ZNF610: variants seen among roughly 807,000 people sequenced by gnomAD.
ZNF610 encodes the protein zink finger protein.
A neutral mutation model predicts 14.1 loss-of-function variants in ZNF610; 14 were observed. The ratio of observed to expected loss-of-function variants is 0.99; its 90% CI spans 0.65 to 1.55. The LOEUF (loss-of-function observed/expected upper bound fraction) is 1.55, where lower values mean the gene tolerates loss of function less well. Ranked by LOEUF, ZNF610 falls within the 40% of genes most tolerant of loss-of-function variation. ZNF610 has a pLI of 0.00. For synonymous variants in ZNF610, 185 were observed against 187.6 expected (o/e 0.99, Z 0.11); for missense variants, 530 against 558.0 (o/e 0.95, Z 0.51).
chr19:52,343,193 CAAATGTATTT>C (rs1313026335), intron 1 of ZNF610, among the ~76,000 whole-genome samples: 7 of 152,184 alleles, frequency 4.6e-5, no homozygotes, highest in African/African-American at 1.7e-4. Flanking sequence ...GTAAACCTGT[CAAATGTATTT>C]AAAATGTAGG....
At chr19:52,356,164 G>A (rs2560983) in intron 5 of ZNF610, among the ~76,000 whole-genome samples, 4,385 of 151,902 alleles carry the variant, frequency 0.029, 84 homozygotes, top group Non-Finnish European at 0.045. Flanking sequence ...ATGTATGTAT[G>A]TATTCTTATT....
intron 1 of ZNF610, among the ~76,000 whole-genome samples, chr19:52,339,097 T>C (rs531892402): frequency 5.9e-5 from 9 of 152,116 alleles, no homozygotes; most frequent in Admixed American, 2.0e-4. Context: ...TGTGCATGTA[T>C]ACAAACATCT....
chr19:52,360,622 G>GT (rs2087964195), intron 5 of ZNF610, among the ~76,000 whole-genome samples: 1 of 152,164 alleles, frequency 6.6e-6, no homozygotes, highest in Non-Finnish European at 1.5e-5. Flanking sequence ...ATCAGTAGTT[G>GT]TTGATGTTTT....
Position 52,345,453 on chromosome 19 carries a change from T to C in ZNF610, c.-257-2254T>C, listed in dbSNP as rs147440550. 1,101 of 151,910 alleles carry C rather than the reference T, an allele frequency of 7.2e-3. 10 individuals are homozygous for C. The highest frequency in any genetic ancestry group is 0.037 in the South Asian group (178 of 4,812). 9.4% of individuals were successfully genotyped at this position (151,910 alleles called of 1,614,324 possible). A position where few individuals can be genotyped will look rare whatever the true frequency, so the allele number is the denominator to read the frequency against. On this transcript the variant is annotated intron_variant, in intron 1 of 5. Transcript: ENST00000403906. ...CAGGCAGCTTTAACCTGGGTGTGGG[T>C]GAGGATGACACTGTGATGCTCCTAG... is the stretch of plus-strand genomic sequence containing the variant.
chr19:52,353,758 C>T lies in ZNF610; in HGVS notation c.140C>T (p.Ala47Val). Residue 47 changes from alanine to valine, a missense_variant, in exon 4 of 6, where the codon GCT becomes GTT. Transcript: ENST00000403906. ...EWKSLDPGQR[A>V]LYRDVMLENY... Reference sequence around the variant, plus strand: ...AAATCCCTGGACCCTGGACAGAGGGCTTTATACAGGGACGTGATGTTGGAG... The same window carrying T: ...AAATCCCTGGACCCTGGACAGAGGGTTTTATACAGGGACGTGATGTTGGAG... 9 of 1,613,702 alleles carry T rather than the reference C, an allele frequency of 5.6e-6. No homozygotes were observed. Among genetic ancestry groups the T allele is most frequent in the Non-Finnish European group, 6.8e-6 (8 of 1,179,880 alleles).
chr19:52,355,530 GT>G (rs1218724971), intron 5 of ZNF610, among the ~76,000 whole-genome samples: 2 of 152,178 alleles, frequency 1.3e-5, no homozygotes, highest in Non-Finnish European at 2.9e-5. Context: ...TCTTTACTGG[GT>G]TTTCTATAAT....
intron 5 of ZNF610, among the ~76,000 whole-genome samples, chr19:52,363,986 C>G (rs1055261511): frequency 1.3e-5 from 2 of 152,094 alleles, no homozygotes; most frequent in Non-Finnish European, 2.9e-5. Flanking sequence ...ATGCTTTGAT[C>G]CCCTTCTCAT....
upstream of ZNF610, among the ~76,000 whole-genome samples, chr19:52,335,946 G>T (rs321919): frequency 6.6e-6 from 1 of 152,046 alleles, no homozygotes; most frequent in Non-Finnish European, 1.5e-5. Flanking sequence ...GCTCAGTGTA[G>T]ACTCGAACTC....
intron 5 of ZNF610, among the ~76,000 whole-genome samples, chr19:52,357,603 C>CCACTG (rs1985588453): frequency 7.3e-6 from 1 of 136,276 alleles, no homozygotes; most frequent in Non-Finnish European, 1.5e-5. Flanking sequence ...GGAGATGGTG[C>CCACTG]CACTGCACTC....
upstream of ZNF610, among the ~76,000 whole-genome samples, chr19:52,333,803 G>A (rs1196292198): frequency 2.0e-5 from 3 of 152,216 alleles, no homozygotes. Context: ...GTGAAGAAAA[G>A]TTGTATGTAA....
chr19:52,340,313 G>A (rs1984622150), intron 1 of ZNF610, among the ~76,000 whole-genome samples: 1 of 152,168 alleles, frequency 6.6e-6, no homozygotes, highest in African/African-American at 2.4e-5. Flanking sequence ...AACCCTGGAG[G>A]CAGAGGTTGT....
At chr19:52,349,287 T>G (rs1456207421) in intron 3 of ZNF610, 52 bp downstream of exon 3, 3 of 1,565,678 alleles carry the variant, frequency 1.9e-6, no homozygotes, top group African/African-American at 2.7e-5. Flanking sequence ...CTGAAATGCC[T>G]GAAGCATCCT....
At chr19:52,341,909 C>CA (rs1234478278) in intron 1 of ZNF610, among the ~76,000 whole-genome samples, 5 of 152,228 alleles carry the variant, frequency 3.3e-5, no homozygotes, top group African/African-American at 1.2e-4. Flanking sequence ...GTCCTGGGCT[C>CA]AAACAATTCT....
At chr19:52,330,628 A>G in the ZNF610 span, among the ~76,000 whole-genome samples, 4 of 152,194 alleles carry the variant, frequency 2.6e-5, no homozygotes, top group Non-Finnish European at 5.9e-5. Context: ...TTTTATTTCC[A>G]TGGACCCTGG....
Position 52,366,666 on chromosome 19 carries a change from T to G in ZNF610, c.1288T>G (p.Cys430Gly). ...TCATACTGGAGAGAGACCTTACAAG[T>G]GTAATGCATGTGGCAAGGTCTTCAA... ...RIHTGERPYKCNACGKVFNQN... is the reference protein window; with the variant it reads ...RIHTGERPYKGNACGKVFNQN... Residue 430 changes from cysteine to glycine, a missense_variant, in exon 6 of 6, where the codon TGT becomes GGT. By Grantham distance (159) the Cys-to-Gly change is radical (BLOSUM62 -3). Coordinates refer to ENST00000403906, the MANE Select transcript of ZNF610 (RefSeq NM_001161425.2). 6.2e-7 allele frequency: 1 copy of G among 1,614,182 alleles called. No homozygotes were observed. The highest frequency in any genetic ancestry group is 8.5e-7 in the Non-Finnish European group (1 of 1,180,024).
At chr19:52,330,224 GA>G in the ZNF610 span, 1 of 147,628 alleles carries the variant, frequency 6.8e-6, no homozygotes, top group Non-Finnish European at 1.5e-5. Context: ...CACCCAGCTG[GA>G]CCCGTTTTTA....
intron 1 of ZNF610, among the ~76,000 whole-genome samples, chr19:52,342,241 A>C (rs1018045174): frequency 1.3e-5 from 2 of 152,146 alleles, no homozygotes; most frequent in African/African-American, 2.4e-5. Flanking sequence ...ATTAAAACAC[A>C]TTCCTACATA....
chr19:52,365,716 GAAGCAATGC>G lies in ZNF610; in HGVS notation c.340_348del (p.Ser114_Ala116del). On this transcript the variant is annotated inframe_deletion, in exon 6 of 6. Transcript: ENST00000403906. ...TTTCTAGGGAGGAGCTGTGTATTGG[GAAGCAATGC>G]AGAAAACAAGCCTATTAAAAATCAA... The G allele has an allele frequency of 6.2e-7, 1 of 1,608,850 alleles. No homozygotes were observed. The highest frequency in any genetic ancestry group is 8.5e-7 in the Non-Finnish European group (1 of 1,178,296).
Position 52,354,356 on chromosome 19 carries a change from A to G in ZNF610, c.296A>G (p.Glu99Gly). The part of the protein sequence containing the change: ...VKIVKNTDGR[E>G]CVRSVNTGRS... ...ATAGTAAAAAATACAGATGGAAGGG[A>G]ATGTGTCAGAAGCGTGAACACAGGT... Residue 99 changes from glutamate (E) to glycine (G), a missense_variant, in exon 5 of 6, where the codon GAA (glutamate) becomes GGA (glycine). Physicochemically the swap from Glu to Gly is moderately conservative, Grantham distance 98. Coordinates refer to ENST00000403906, the MANE Select transcript of ZNF610 (RefSeq NM_001161425.2). 1 of 1,614,162 alleles carries G rather than the reference A, an allele frequency of 6.2e-7. No individual in the cohort carries two copies. Among genetic ancestry groups the G allele is most frequent in the Non-Finnish European group, 8.5e-7 (1 of 1,180,024 alleles).
Sources: gnomAD v4.1 joint callset for allele counts (sites outside exome capture counted in the v4.1 genomes callset) on GRCh38, gnomAD v4.1.1 for gene constraint, MANE v1.5 for transcripts, NCBI Gene and HGNC (gene_info 2026-07-23, HGNC 2026-07-21) for gene names.